Variants in MICU1 observed in about 807,000 individuals in gnomAD.
MICU1 encodes the protein calcium uptake protein 1, mitochondrial.
Under a neutral mutation model 56.8 loss-of-function variants are expected in MICU1, and 45 were observed. The observed-to-expected ratio is 0.79, with a 90% CI of 0.62 to 1.02. The LOEUF is 1.02. Ranked by LOEUF, MICU1 falls within the 50% of genes least tolerant of loss-of-function variation. The pLI, the probability that MICU1 is intolerant of heterozygous loss-of-function variation, is 0.00. For missense variants in MICU1, 504 were observed against 587.1 expected, an observed-to-expected ratio of 0.86 and a Z score of 1.46; for synonymous variants, 186 against 195.1, an observed-to-expected ratio of 0.95 and a Z score of 0.39.
intron 5 of MICU1, among the ~76,000 whole-genome samples, chr10:72,530,335 AAATAATAATAATAATAAT>A (rs372087915): frequency 3.1e-5 from 2 of 64,902 alleles, no homozygotes; most frequent in African/African-American, 7.3e-5. Context: ...CTCCATATCA[AAATAATAATAATAATAAT>A]AATAATAATA....
intron 6 of MICU1, among the ~76,000 whole-genome samples, chr10:72,502,335 T>A (rs554721860): frequency 1.3e-5 from 2 of 152,018 alleles, no homozygotes; most frequent in Non-Finnish European, 2.9e-5. Context: ...TTGTATTTTT[T>A]AGTGGAGATG....
Position 72,542,986 on chromosome 10 carries a change from C to G in MICU1, c.493+8193G>C, listed in dbSNP as rs752384807. 1.3e-5 allele frequency among the ~76,000 whole-genome samples: 2 copies of G among 152,200 alleles called. 1 individual carries two copies. Among genetic ancestry groups the G allele is most frequent in the Non-Finnish European group, 2.9e-5 (2 of 68,028 alleles). The stretch of plus-strand genomic sequence containing the variant: ...CACCAAAAAGTCAAGCCATCAAGCT[C>G]TCGCTTGAAGTCAAGTCACTTCTCT... On this transcript the variant is annotated intron_variant, in intron 4 of 11. Transcript: ENST00000361114.
intron 6 of MICU1, among the ~76,000 whole-genome samples, chr10:72,505,986 A>C (rs1867234697): frequency 1.0e-5 from 1 of 99,662 alleles, no homozygotes; most frequent in South Asian, 4.8e-4. Context: ...AAAAACAAAA[A>C]ACAAGCAAGC....
intron 8 of MICU1, among the ~76,000 whole-genome samples, chr10:72,427,110 T>C (rs911433524): frequency 6.6e-6 from 1 of 152,222 alleles, no homozygotes; most frequent in Non-Finnish European, 1.5e-5. Flanking sequence ...ACCATCTGCA[T>C]TGTTTTTCCG....
chr10:72,509,471 C>G (rs1440141990), intron 5 of MICU1: 25 of 1,197,166 alleles, frequency 2.1e-5, no homozygotes, highest in Non-Finnish European at 2.7e-5. Flanking sequence ...ATACAAGTAC[C>G]ACACGAATCA....
In MICU1 at chr10:72,432,465, C is replaced by A. The variant is rs537649133; in HGVS notation, c.934-9094G>T. On this transcript the variant is annotated intron_variant, in intron 8 of 11. Transcript: ENST00000361114. ...CCAGTGTATTAGTCCATTTGTGTTG[C>A]TATAAAGGAATACCTGAAGCTGGGT... is the stretch of plus-strand genomic sequence containing the variant. 2.1e-4 allele frequency among the ~76,000 whole-genome samples: 32 copies of A among 152,076 alleles called. 1 individual carries two copies. The South Asian group carries it at 5.8e-3, about 28-fold the overall frequency.
chr10:72,408,157 G>A (rs1296494979), intron 9 of MICU1, 120 bp from the exon 10 acceptor site: 2 of 616,220 alleles, frequency 3.2e-6, no homozygotes, highest in African/African-American at 3.7e-5. Flanking sequence ...AACAGAAACT[G>A]AATACATTAG....
At chr10:72,552,307 C>G (rs193104781) in intron 3 of MICU1, among the ~76,000 whole-genome samples, 5 of 152,232 alleles carry the variant, frequency 3.3e-5, no homozygotes, top group African/African-American at 9.6e-5. Flanking sequence ...ATTCCCTTAT[C>G]TGGTATACAA....
chr10:72,612,119 G>C (rs188740016), intron 1 of MICU1, among the ~76,000 whole-genome samples: 8 of 151,874 alleles, frequency 5.3e-5, no homozygotes, highest in Admixed American at 2.6e-4. Flanking sequence ...CTACGCTACG[G>C]AAAGAAATCT....
At chr10:72,448,189 A>ATTTTT (rs1250710380) in intron 8 of MICU1, among the ~76,000 whole-genome samples, 8 of 55,334 alleles carry the variant, frequency 1.4e-4, no homozygotes, top group Admixed American at 2.8e-4. Context: ...ATATATATAT[A>ATTTTT]TATATTTTTT....
chr10:72,464,354 G>A (rs1805203978), intron 8 of MICU1, among the ~76,000 whole-genome samples: 1 of 147,684 alleles, frequency 6.8e-6, no homozygotes, highest in Admixed American at 6.7e-5. Context: ...ACACATGCAC[G>A]TGTGCTCGCA....
intron 6 of MICU1, among the ~76,000 whole-genome samples, chr10:72,499,893 C>T (rs986752796): frequency 1.3e-5 from 2 of 152,148 alleles, no homozygotes; most frequent in African/African-American, 4.8e-5. Context: ...CTGCTCTTGA[C>T]TTCAGCATGG....
intron 10 of MICU1, among the ~76,000 whole-genome samples, chr10:72,406,736 C>T (rs902497847): frequency 1.3e-5 from 2 of 152,108 alleles, no homozygotes. Flanking sequence ...AAGCAATTCT[C>T]CTGCCTCAGC....
chr10:72,473,532 C>A lies in MICU1; in HGVS notation c.933+1568G>T, dbSNP rs75889274. Among the ~76,000 whole-genome samples the A allele has an allele frequency of 2.8e-3, 424 of 152,184 alleles. 3 individuals carry two copies. The highest frequency in any genetic ancestry group is 9.7e-3 in the African/African-American group (402 of 41,530). On this transcript the variant is annotated intron_variant, in intron 8 of 11. Coordinates refer to ENST00000361114, the MANE Select transcript of MICU1 (RefSeq NM_001195518.2). ...GCTCTGGGTGCAAAGCAGGAACCCA[C>A]CCCAGACAAGATGCCGCTCCATCTC...
intron 1 of MICU1, among the ~76,000 whole-genome samples, chr10:72,579,082 T>A (rs1410371161): frequency 1.3e-5 from 2 of 152,206 alleles, no homozygotes; most frequent in African/African-American, 4.8e-5. Flanking sequence ...TAAAATACCA[T>A]CACTCTCCCT....
At chr10:72,593,761 C>A (rs1841294999) in intron 1 of MICU1, among the ~76,000 whole-genome samples, 1 of 152,104 alleles carries the variant, frequency 6.6e-6, no homozygotes, top group African/African-American at 2.4e-5. Context: ...ATTACAAAAA[C>A]AATTCCGTTT....
intron 10 of MICU1, among the ~76,000 whole-genome samples, chr10:72,385,337 T>C (rs1245864167): frequency 1.3e-5 from 2 of 151,874 alleles, no homozygotes; most frequent in East Asian, 3.9e-4. Flanking sequence ...TAAAAATATA[T>C]AAATTAGCTG....
At chr10:72,506,417 C>T (rs545473970) in intron 6 of MICU1, among the ~76,000 whole-genome samples, 6 of 152,300 alleles carry the variant, frequency 3.9e-5, no homozygotes, top group African/African-American at 1.4e-4. Flanking sequence ...CAATGCAGGT[C>T]TCTTCATTTA....
Position 72,405,218 on chromosome 10 carries a change from T to A in MICU1, c.1180+2711A>T, listed in dbSNP as rs548902573. Among the ~76,000 whole-genome samples, 20 of 152,034 alleles carry A rather than the reference T, an allele frequency of 1.3e-4. No individual in the cohort carries two copies. In the South Asian group the frequency reaches 2.1e-3, roughly 16 times the overall value. On this transcript the variant is annotated intron_variant, in intron 10 of 11. Transcript: ENST00000361114. ...GCCACCATGCCTGGCCTATTTAATTTAATTAATTAATTAATTTAGAGACAG... is the reference window on the plus strand; with the variant it reads ...GCCACCATGCCTGGCCTATTTAATTAAATTAATTAATTAATTTAGAGACAG...
Sources: allele counts gnomAD v4.1 joint callset (sites outside exome capture counted in the v4.1 genomes callset), GRCh38; gene constraint gnomAD v4.1.1; transcripts MANE v1.5; gene names NCBI Gene and HGNC (gene_info 2026-07-23, HGNC 2026-07-21).